The following TMEM120B variants were observed in gnomAD, a reference collection of about 807,000 sequenced individuals.
The protein encoded by TMEM120B is transmembrane protein 120B.
In TMEM120B, 31 loss-of-function variants were observed where a neutral mutation model predicts 55.5. That is an observed-to-expected ratio of 0.56 (90% CI 0.42 to 0.75). The LOEUF (loss-of-function observed/expected upper bound fraction) is 0.75, where lower values mean the gene tolerates loss of function less well. Ranked by LOEUF, TMEM120B falls within the 30% of genes least tolerant of loss-of-function variation. TMEM120B has a pLI of 0.00. For synonymous variants in TMEM120B, 203 were observed against 176.3 expected (o/e 1.15, Z -1.20); for missense variants, 399 against 425.5 (o/e 0.94, Z 0.55).
At chr12:121,733,490 C>T (rs746400169) in intron 1 of TMEM120B, among the ~76,000 whole-genome samples, 4 of 149,996 alleles carry the variant, frequency 2.7e-5, no homozygotes, top group African/African-American at 4.9e-5. Flanking sequence ...ATGATCCGCC[C>T]GCCTCGGCCT....
At position 121,773,461 on chromosome 12, in the gene TMEM120B, C is replaced by T. The variant is rs751063252; in HGVS notation, c.720C>T (p.Cys240=). 3 of 1,609,866 alleles carry T rather than the reference C, an allele frequency of 1.9e-6. No individual in the cohort carries two copies. The highest frequency in any genetic ancestry group is 1.7e-5 in the Admixed American group (1 of 59,538). ...QFLQYYYQRG[C]LYRLRALGER... ...TGCAATATTATTACCAGAGGGGCTGCCTCTACCGGCTGCGGGCCCTGGGGG... is the reference window on the plus strand; with the variant it reads ...TGCAATATTATTACCAGAGGGGCTGTCTCTACCGGCTGCGGGCCCTGGGGG... Residue 240 remains cysteine, a synonymous_variant, in exon 9 of 12, where the codon TGC becomes TGT. Coordinates refer to ENST00000449592, the MANE Select transcript of TMEM120B (RefSeq NM_001080825.2).
chr12:121,722,876 T>G (rs1894822080), intron 1 of TMEM120B, among the ~76,000 whole-genome samples: 1 of 150,420 alleles, frequency 6.6e-6, no homozygotes, highest in Admixed American at 6.7e-5. Flanking sequence ...GAGATGGAGT[T>G]TCGCTCTTGT....
At chr12:121,744,234 C>T (rs1348708105) in intron 2 of TMEM120B, among the ~76,000 whole-genome samples, 3 of 152,028 alleles carry the variant, frequency 2.0e-5, no homozygotes, top group Admixed American at 6.6e-5. Context: ...GAGAGTTTCT[C>T]GTTCCCAGTA....
chr12:121,743,774 G>T (rs1218552190), intron 2 of TMEM120B, 27 bp downstream of exon 2: 4 of 1,539,222 alleles, frequency 2.6e-6, no homozygotes, highest in East Asian at 2.3e-5. Context: ...CCCGGGGGCT[G>T]CCCTGGTTCT....
chr12:121,750,510 CCCCACACTGAGAA>C, intron 4 of TMEM120B, 71 bp downstream of exon 4: 2 of 1,257,070 alleles, frequency 1.6e-6, no homozygotes, highest in Non-Finnish European at 1.1e-6. Flanking sequence ...ACACCCCAAA[CCCCACACTGAGAA>C]CCCACACCCC....
chr12:121,773,716 G>T lies in TMEM120B; in HGVS notation c.772+203G>T, dbSNP rs151054587. On this transcript the variant is annotated intron_variant, in intron 9 of 11. Transcript: ENST00000449592. ...CTGCATACCAGGCCCCGAGGGCAGGGCCTCTGTCTCAGCCTCTGGAAGTGT... is the reference window on the plus strand; with the variant it reads ...CTGCATACCAGGCCCCGAGGGCAGGTCCTCTGTCTCAGCCTCTGGAAGTGT... Among the ~76,000 whole-genome samples, 930 of 152,138 alleles carry T rather than the reference G, an allele frequency of 6.1e-3. 11 individuals carry two copies. The highest frequency in any genetic ancestry group is 0.034 in the Admixed American group (527 of 15,298).
chr12:121,755,011 G>A lies in TMEM120B; in HGVS notation c.461+2788G>A, dbSNP rs375177742. On this transcript the variant is annotated intron_variant, in intron 5 of 11. Transcript: ENST00000449592. ...GGCAGCTTGGAGGGCAGGAGAAGCTGTGTCTGGAGACTGGTTAGACTGGTG... is the reference window on the plus strand; with the variant it reads ...GGCAGCTTGGAGGGCAGGAGAAGCTATGTCTGGAGACTGGTTAGACTGGTG... Among the ~76,000 whole-genome samples, 99 of 152,340 alleles carry A rather than the reference G, an allele frequency of 6.5e-4. 2 individuals carry two copies. The highest frequency in any genetic ancestry group is 2.3e-3 in the African/African-American group (94 of 41,578).
At chr12:121,733,613 CACT>C (rs1895046031) in intron 1 of TMEM120B, among the ~76,000 whole-genome samples, 1 of 151,064 alleles carries the variant, frequency 6.6e-6, no homozygotes, top group South Asian at 2.1e-4. Flanking sequence ...GACCTCGGCT[CACT>C]GCAGCCTCTG....
At chr12:121,727,129 A>G (rs988060184) in intron 1 of TMEM120B, among the ~76,000 whole-genome samples, 1 of 152,128 alleles carries the variant, frequency 6.6e-6, no homozygotes, top group African/African-American at 2.4e-5. Flanking sequence ...TCCGTTTGGT[A>G]GAAAAACACC....
At position 121,774,701 on chromosome 12, in the gene TMEM120B, G is replaced by A. The variant is rs2137416446; in HGVS notation, c.816G>A (p.Leu272=). 1 of 1,613,966 alleles carries A rather than the reference G, an allele frequency of 6.2e-7. No individual in the cohort carries two copies. Among genetic ancestry groups the A allele is most frequent in the Non-Finnish European group, 8.5e-7 (1 of 1,179,906 alleles). Reference sequence around the variant, plus strand: ...TGTGGCGGGGCCTCACCTTTCTCCTGCCCTTCCTCTTCTGTGGCCATGTGA... The same window carrying A: ...TGTGGCGGGGCCTCACCTTTCTCCTACCCTTCCTCTTCTGTGGCCATGTGA... The part of the protein sequence containing the change: ...SWMWRGLTFL[L]PFLFCGHFWQ... The change falls in exon 10 of 12, where the codon CTG becomes CTA. Residue 272 remains leucine, a synonymous_variant. Transcript: ENST00000449592.
rs557391616 is a variant in TMEM120B, at chr12:121,780,473, G to A, written c.*4751G>A. 1.8e-5 allele frequency: 6 copies of A among 331,450 alleles called. No homozygotes were observed. The South Asian group carries it at 2.8e-4, about 16-fold the overall frequency. 20.5% of individuals were successfully genotyped at this position (331,450 alleles called of 1,614,324 possible). A position where few individuals can be genotyped will look rare whatever the true frequency, so the allele number is the denominator to read the frequency against. ...AAAGAGTTGCACGGTCAATTGGCCC[G>A]TGAAGGGGACGCCTACTTTCAAACA... On this transcript the variant is annotated 3_prime_UTR_variant, in exon 12 of 12. Transcript: ENST00000449592.
At chr12:121,717,946 G>A (rs1467077929) in intron 1 of TMEM120B, among the ~76,000 whole-genome samples, 8 of 152,254 alleles carry the variant, frequency 5.3e-5, no homozygotes, top group African/African-American at 1.7e-4. Flanking sequence ...GTGAGCTACC[G>A]CACCCAGCCG....
intron 1 of TMEM120B, among the ~76,000 whole-genome samples, chr12:121,730,257 CAA>C (rs111608601): frequency 3.8e-4 from 31 of 82,158 alleles, no homozygotes; most frequent in Non-Finnish European, 2.8e-4. Context: ...GACTCCATCT[CAA>C]AAAAAAAAAA....
At chr12:121,733,857 T>C (rs1026223062) in intron 1 of TMEM120B, among the ~76,000 whole-genome samples, 3 of 152,124 alleles carry the variant, frequency 2.0e-5, no homozygotes, top group African/African-American at 7.2e-5. Flanking sequence ...GTTATGTGCG[T>C]AGATCTCCAA....
chr12:121,732,692 T>C (rs1457794342), intron 1 of TMEM120B, among the ~76,000 whole-genome samples: 1 of 151,982 alleles, frequency 6.6e-6, no homozygotes, highest in Non-Finnish European at 1.5e-5. Flanking sequence ...CTAAATCTAA[T>C]AACAAGGCCG....
At chr12:121,744,954 T>C (rs531077675) in intron 2 of TMEM120B, among the ~76,000 whole-genome samples, 1 of 151,986 alleles carries the variant, frequency 6.6e-6, no homozygotes, top group South Asian at 2.1e-4. Context: ...GGGCTCAGAG[T>C]CTAGAGTTTC....
chr12:121,741,478 T>A (rs906186605), intron 1 of TMEM120B, among the ~76,000 whole-genome samples: 1 of 151,878 alleles, frequency 6.6e-6, no homozygotes, highest in Admixed American at 6.6e-5. Context: ...TACAGGCATG[T>A]GCCATCACGC....
At chr12:121,734,101 G>A (rs535563339) in intron 1 of TMEM120B, among the ~76,000 whole-genome samples, 10 of 152,178 alleles carry the variant, frequency 6.6e-5, no homozygotes, top group South Asian at 4.2e-4. Context: ...ATAAAACAAC[G>A]GCTGCCTGAT....
At chr12:121,723,250 C>G (rs1373011959) in intron 1 of TMEM120B, among the ~76,000 whole-genome samples, 1 of 152,108 alleles carries the variant, frequency 6.6e-6, no homozygotes, top group Non-Finnish European at 1.5e-5. Flanking sequence ...TCACTGCAGC[C>G]TTGAACTCCT....
Sources: allele counts gnomAD v4.1 joint callset (sites outside exome capture counted in the v4.1 genomes callset), GRCh38; gene constraint gnomAD v4.1.1; transcripts MANE v1.5; gene names NCBI Gene and HGNC (gene_info 2026-07-23, HGNC 2026-07-21).